KCNMA1: variants seen among roughly 807,000 people sequenced by gnomAD.
KCNMA1 encodes the protein Calcium-activated potassium channel subunit alpha-1.
Under a neutral mutation model 140.0 loss-of-function variants are expected in KCNMA1, and 29 were observed. That is an observed-to-expected ratio of 0.21 (90% CI 0.15 to 0.28). The LOEUF (loss-of-function observed/expected upper bound fraction) is 0.28. Among genes scored for constraint, KCNMA1 ranks in the 10% least tolerant of loss-of-function variants. The pLI, the probability that KCNMA1 is intolerant of heterozygous loss-of-function variation, is 1.00. For synonymous variants in KCNMA1, 612 were observed against 611.9 expected (o/e 1.00, Z 0.00); for missense variants, 880 against 1,602.2 (o/e 0.55, Z 7.70).
intron 12 of KCNMA1, among the ~76,000 whole-genome samples, chr10:77,083,553 A>ACAGC (rs1381806492): frequency 2.0e-5 from 3 of 149,634 alleles, no homozygotes; most frequent in Non-Finnish European, 4.4e-5. Context: ...GGGCAGGGCC[A>ACAGC]CAGCGGCACA....
chr10:76,974,250 G>A (rs2076862782), intron 19 of KCNMA1: 1 of 480,950 alleles, frequency 2.1e-6, no homozygotes, highest in Non-Finnish European at 3.7e-6. Context: ...TAGCTAACAG[G>A]GCTTCCGACT....
intron 1 of KCNMA1, among the ~76,000 whole-genome samples, chr10:77,599,133 G>A (rs972798893): frequency 2.6e-5 from 4 of 152,214 alleles, no homozygotes; most frequent in Admixed American, 6.5e-5. Flanking sequence ...GGATGTATAC[G>A]ATACTGCTTT....
chr10:77,068,328 T>C (rs535431487), intron 14 of KCNMA1, among the ~76,000 whole-genome samples: 3 of 152,322 alleles, frequency 2.0e-5, no homozygotes, highest in African/African-American at 7.2e-5. Flanking sequence ...ACTAATTCTA[T>C]ACATACATAT....
intron 5 of KCNMA1, among the ~76,000 whole-genome samples, chr10:77,178,761 C>T (rs2098776342): frequency 1.3e-5 from 2 of 152,146 alleles, no homozygotes; most frequent in African/African-American, 4.8e-5. Flanking sequence ...AGCCCATTGA[C>T]CTACCTTGGG....
chr10:77,105,126 A>G (rs1465353808), intron 9 of KCNMA1, among the ~76,000 whole-genome samples: 1 of 152,196 alleles, frequency 6.6e-6, no homozygotes, highest in Non-Finnish European at 1.5e-5. Flanking sequence ...CCATCATAAC[A>G]TACATGAAAT....
chr10:77,081,833 G>A (rs1431566175), intron 12 of KCNMA1, among the ~76,000 whole-genome samples: 2 of 151,836 alleles, frequency 1.3e-5, no homozygotes, highest in Non-Finnish European at 2.9e-5. Context: ...TTCAAAGGAG[G>A]CAGATTGGTC....
At chr10:77,517,432 T>C (rs2050967807) in intron 1 of KCNMA1, among the ~76,000 whole-genome samples, 1 of 152,184 alleles carries the variant, frequency 6.6e-6, no homozygotes, top group African/African-American at 2.4e-5. Flanking sequence ...GCTGAACACA[T>C]AGATTTGAGG....
chr10:77,305,620 G>A (rs2077517512), intron 2 of KCNMA1, among the ~76,000 whole-genome samples: 1 of 152,154 alleles, frequency 6.6e-6, no homozygotes, highest in Admixed American at 6.5e-5. Flanking sequence ...GAAGACTAGG[G>A]TAAAATTAAG....
intron 1 of KCNMA1, among the ~76,000 whole-genome samples, chr10:77,619,908 G>A (rs1028406605): frequency 6.6e-6 from 1 of 152,200 alleles, no homozygotes; most frequent in African/African-American, 2.4e-5. Flanking sequence ...GAGGATGGAG[G>A]AGGTGGAGGG....
In KCNMA1 at chr10:76,922,175, C is replaced by T. The variant is rs1354209430; in HGVS notation, c.2903-7126G>A. ...AACCATAAGGTGTCTTTTGCCTCTT[C>T]AGCAATCATTCTATGCTAGAAACAC... is the stretch of plus-strand genomic sequence containing the variant. On this transcript the variant is annotated intron_variant, in intron 23 of 27. Coordinates refer to ENST00000286628, the MANE Select transcript of KCNMA1 (RefSeq NM_001161352.2). Among the ~76,000 whole-genome samples the T allele has an allele frequency of 5.9e-5, 9 of 152,188 alleles. No homozygotes were observed. The East Asian group carries it at 1.7e-3, about 29-fold the overall frequency.
At chr10:77,005,358 A>G (rs1446799525) in intron 18 of KCNMA1, among the ~76,000 whole-genome samples, 1 of 152,198 alleles carries the variant, frequency 6.6e-6, no homozygotes, top group Non-Finnish European at 1.5e-5. Context: ...CTGGCACAGG[A>G]GGACTATTTC....
chr10:77,025,047 G>A (rs2093269539), intron 16 of KCNMA1, among the ~76,000 whole-genome samples: 2 of 151,658 alleles, frequency 1.3e-5, no homozygotes, highest in Admixed American at 1.3e-4. Flanking sequence ...GGGCTGGAGA[G>A]AAGCATCCTC....
chr10:76,906,482 A>C (rs1340410107), intron 25 of KCNMA1, among the ~76,000 whole-genome samples: 1 of 152,216 alleles, frequency 6.6e-6, no homozygotes, highest in Non-Finnish European at 1.5e-5. Context: ...ATGAATCAAA[A>C]TATTATTCTT....
chr10:76,945,007 G>A, intron 22 of KCNMA1, 42 bp from the exon 23 acceptor site: 1 of 1,528,054 alleles, frequency 6.5e-7, no homozygotes, highest in Non-Finnish European at 9.1e-7. Context: ...GATGGGGGGA[G>A]AAAGAGACAG....
chr10:77,098,480 C>T (rs925665486), intron 9 of KCNMA1, among the ~76,000 whole-genome samples: 2 of 152,036 alleles, frequency 1.3e-5, no homozygotes, highest in Admixed American at 1.3e-4. Flanking sequence ...GTTTCCACTT[C>T]CTCAGTGTCA....
chr10:77,219,054 A>C (rs1199135328), intron 3 of KCNMA1, among the ~76,000 whole-genome samples: 2 of 152,074 alleles, frequency 1.3e-5, no homozygotes, highest in Non-Finnish European at 2.9e-5. Context: ...TCTGTTCTTG[A>C]AGTGCCCTCC....
At chr10:77,403,442 CAAG>C (rs1191750610) in intron 2 of KCNMA1, among the ~76,000 whole-genome samples, 1 of 152,124 alleles carries the variant, frequency 6.6e-6, no homozygotes, top group Non-Finnish European at 1.5e-5. Context: ...TACCACAGGA[CAAG>C]AAGAACATCC....
At chr10:77,571,190 G>A (rs908770562) in intron 1 of KCNMA1, among the ~76,000 whole-genome samples, 7 of 152,140 alleles carry the variant, frequency 4.6e-5, no homozygotes, top group East Asian at 3.9e-4. Flanking sequence ...TGAAACCCTC[G>A]GGAATCTGAT....
intron 25 of KCNMA1, chr10:76,901,405 T>C (rs1018319800): frequency 6.6e-6 from 1 of 152,100 alleles, no homozygotes; most frequent in African/African-American, 2.4e-5. Flanking sequence ...ACACAGTCAA[T>C]TTTTTTTAAA....
Sources: gnomAD v4.1 joint callset for allele counts (sites outside exome capture counted in the v4.1 genomes callset) on GRCh38, gnomAD v4.1.1 for gene constraint, MANE v1.5 for transcripts, NCBI Gene and HGNC (gene_info 2026-07-23, HGNC 2026-07-21) for gene names.